LSAMP: variants seen among roughly 807,000 people sequenced by gnomAD.
The protein encoded by LSAMP is limbic system-associated membrane protein.
In LSAMP, 7 loss-of-function variants were observed where a neutral mutation model predicts 38.6. The observed-to-expected ratio is 0.18, with a 90% CI of 0.10 to 0.34. The LOEUF (loss-of-function observed/expected upper bound fraction) is 0.34. Ranked by LOEUF, LSAMP falls within the 10% of genes least tolerant of loss-of-function variation. The pLI is 1.00. For synonymous variants in LSAMP, 154 were observed against 166.8 expected (o/e 0.92, Z 0.59); for missense variants, 313 against 420.0 (o/e 0.75, Z 2.23).
chr3:116,004,444 A>G lies in LSAMP; in HGVS notation c.514+15071T>C, dbSNP rs535394402. On this transcript the variant is annotated intron_variant, in intron 3 of 6. Transcript: ENST00000490035. ...TACACATATACATATATACACATAT[A>G]CATATATACACAATTATGCATACAT... is the stretch of plus-strand genomic sequence containing the variant. Among the ~76,000 whole-genome samples, 18 of 151,232 alleles carry G rather than the reference A, an allele frequency of 1.2e-4. 1 individual carries two copies. The highest frequency in any genetic ancestry group is 4.4e-4 in the African/African-American group (18 of 41,318).
intron 1 of LSAMP, among the ~76,000 whole-genome samples, chr3:116,422,216 G>A (rs534364544): frequency 2.0e-5 from 3 of 152,298 alleles, no homozygotes; most frequent in East Asian, 3.9e-4. Flanking sequence ...TATATGAAGT[G>A]TCCAGGAAAA....
intron 3 of LSAMP, among the ~76,000 whole-genome samples, chr3:115,925,170 T>C (rs1343912739): frequency 3.9e-5 from 6 of 152,056 alleles, no homozygotes; most frequent in Admixed American, 6.6e-5. Flanking sequence ...GGAGCTATTT[T>C]TGGAGAGTGT....
At chr3:116,200,420 G>A (rs556814935) in intron 1 of LSAMP, among the ~76,000 whole-genome samples, 189 of 152,282 alleles carry the variant, frequency 1.2e-3, no homozygotes, top group South Asian at 3.7e-3. Context: ...CATCCTATCT[G>A]TTTTCCTAAT....
intron 3 of LSAMP, among the ~76,000 whole-genome samples, chr3:115,918,913 A>G (rs1054764248): frequency 1.3e-5 from 2 of 152,110 alleles, no homozygotes; most frequent in African/African-American, 4.8e-5. Flanking sequence ...TAACAATCCT[A>G]TGAAATAGAG....
chr3:116,127,594 C>A (rs137997352), intron 1 of LSAMP, among the ~76,000 whole-genome samples: 23 of 151,650 alleles, frequency 1.5e-4, no homozygotes, highest in African/African-American at 4.8e-4. Context: ...AAAATAAAAG[C>A]TGAGAAAGTA....
chr3:115,986,854 T>C (rs1160827227), intron 3 of LSAMP, among the ~76,000 whole-genome samples: 1 of 152,174 alleles, frequency 6.6e-6, no homozygotes, highest in Non-Finnish European at 1.5e-5. Context: ...TTTATACCTT[T>C]TTCCCAGGGA....
At chr3:115,848,142 G>C (rs891004902) in intron 4 of LSAMP, among the ~76,000 whole-genome samples, 1 of 152,220 alleles carries the variant, frequency 6.6e-6, no homozygotes, top group Non-Finnish European at 1.5e-5. Context: ...TGAAAAGCTA[G>C]AGAAGCTGGC....
intron 1 of LSAMP, among the ~76,000 whole-genome samples, chr3:116,387,911 G>T (rs1446336438): frequency 6.6e-6 from 1 of 151,778 alleles, no homozygotes; most frequent in Non-Finnish European, 1.5e-5. Context: ...GGCTAACACG[G>T]TGAAACCCCG....
In LSAMP at chr3:116,421,444, C is replaced by T. The variant is rs148208469; in HGVS notation, c.155+23433G>A. Among the ~76,000 whole-genome samples, 741 of 151,714 alleles carry T rather than the reference C, an allele frequency of 4.9e-3. 7 individuals are homozygous for T. The highest frequency in any genetic ancestry group is 0.017 in the African/African-American group (699 of 41,356). ...AGTTGGCTGGGCATGGTGGTGGGCG[C>T]CTGTAATCCCAGCTACTTGAACCCA... On this transcript the variant is annotated intron_variant, in intron 1 of 6. Coordinates refer to ENST00000490035, the MANE Select transcript of LSAMP (RefSeq NM_002338.5).
intron 1 of LSAMP, among the ~76,000 whole-genome samples, chr3:116,221,172 G>GAAAAAAAAAA (rs1275673221): frequency 4.1e-4 from 27 of 66,594 alleles, no homozygotes; most frequent in African/African-American, 5.0e-4. Flanking sequence ...AAAAAAAAAG[G>GAAAAAAAAAA]AAAGGGGCAG....
chr3:116,084,916 T>C (rs1217421151), intron 2 of LSAMP, among the ~76,000 whole-genome samples: 11 of 146,558 alleles, frequency 7.5e-5, no homozygotes. Flanking sequence ...CTCTCCTCCT[T>C]CTGCCATTGA....
At chr3:116,234,676 A>G (rs909372889) in intron 1 of LSAMP, among the ~76,000 whole-genome samples, 13 of 152,140 alleles carry the variant, frequency 8.5e-5, no homozygotes, top group African/African-American at 1.2e-4. Context: ...CAAGCCCTCT[A>G]AAAAATGAAA....
In LSAMP at chr3:116,168,180, A is replaced by G. The variant is rs988533052; in HGVS notation, c.156-81624T>C. 2.0e-5 allele frequency among the ~76,000 whole-genome samples: 3 copies of G among 152,256 alleles called. No individual in the cohort carries two copies. In the South Asian group the frequency reaches 6.2e-4, roughly 32 times the overall value. ...CAAAGAACTCCACCAGCCCATCACC[A>G]CTGTGTTTGATTTGGGAAAGATATC... On this transcript the variant is annotated intron_variant, in intron 1 of 6. Coordinates refer to ENST00000490035, the MANE Select transcript of LSAMP (RefSeq NM_002338.5).
chr3:115,822,764 A>G (rs1934287570), intron 6 of LSAMP, among the ~76,000 whole-genome samples: 1 of 152,198 alleles, frequency 6.6e-6, no homozygotes, highest in African/African-American at 2.4e-5. Context: ...TCAATATTTG[A>G]GAAAGGAAGT....
intron 3 of LSAMP, among the ~76,000 whole-genome samples, chr3:115,865,812 A>G (rs1935841632): frequency 6.6e-6 from 1 of 152,142 alleles, no homozygotes; most frequent in Non-Finnish European, 1.5e-5. Context: ...TTCTTTTCTT[A>G]AGGGAGTTAG....
At chr3:116,018,793 A>C (rs1449214547) in intron 3 of LSAMP, among the ~76,000 whole-genome samples, 2 of 152,136 alleles carry the variant, frequency 1.3e-5, no homozygotes, top group African/African-American at 4.8e-5. Flanking sequence ...GGTGGTGAGA[A>C]GGGGAAAGAA....
chr3:115,848,048 C>A (rs923383261), intron 4 of LSAMP, among the ~76,000 whole-genome samples: 1 of 151,708 alleles, frequency 6.6e-6, no homozygotes, highest in African/African-American at 2.4e-5. Flanking sequence ...ATAATAGATT[C>A]ATATTAGGAT....
At chr3:116,166,787 G>GTTTTTTTTTTTTTT (rs35340943) in intron 1 of LSAMP, among the ~76,000 whole-genome samples, 4 of 118,810 alleles carry the variant, frequency 3.4e-5, no homozygotes, top group African/African-American at 6.3e-5. Context: ...TTTTTTTTTT[G>GTTTTTTTTTTTTTT]TTTTTTTTTT....
chr3:116,034,925 G>A (rs952318495), intron 2 of LSAMP, among the ~76,000 whole-genome samples: 3 of 152,124 alleles, frequency 2.0e-5, no homozygotes, highest in Non-Finnish European at 4.4e-5. Flanking sequence ...GTAAAAGAAT[G>A]CAAAACATCT....
Sources: allele counts gnomAD v4.1 joint callset (sites outside exome capture counted in the v4.1 genomes callset), GRCh38; gene constraint gnomAD v4.1.1; transcripts MANE v1.5; gene names NCBI Gene and HGNC (gene_info 2026-07-23, HGNC 2026-07-21).